WIZ: variants seen among roughly 807,000 people sequenced by gnomAD.
The protein encoded by WIZ is WIZ zinc finger, also known as protein Wiz.
In WIZ, 25 loss-of-function variants were observed where a neutral mutation model predicts 140.2. The ratio of observed to expected loss-of-function variants is 0.18; its 90% CI spans 0.13 to 0.25. WIZ has a LOEUF of 0.25. Ranked by LOEUF, WIZ falls within the 10% of genes least tolerant of loss-of-function variation. The pLI, the probability that WIZ is intolerant of heterozygous loss-of-function variation, is 1.00. For synonymous variants in WIZ, 1,125 were observed against 1,154.3 expected (o/e 0.97, Z 0.51); for missense variants, 2,231 against 2,632.6 (o/e 0.85, Z 3.34).
chr19:15,441,344 A>C (rs1969738505), intron 3 of WIZ, among the ~76,000 whole-genome samples: 1 of 152,172 alleles, frequency 6.6e-6, no homozygotes, highest in Admixed American at 6.5e-5. Flanking sequence ...TCTGGGCCTC[A>C]GTTTTCCAAT....
rs1969825737 is a variant in WIZ at position 15,443,848 on chromosome 19, C to T, written c.206-1100G>A. Among the ~76,000 whole-genome samples, 3 of 152,172 alleles carry T rather than the reference C, an allele frequency of 2.0e-5. No individual in the cohort carries two copies. The South Asian group carries it at 6.2e-4, about 31-fold the overall frequency. ...CTGAGCTGCAGAGAGCCCATCCCTGCCTTCTGCACCCTCTCCCAGGCCTAT... is the reference window on the plus strand; with the variant it reads ...CTGAGCTGCAGAGAGCCCATCCCTGTCTTCTGCACCCTCTCCCAGGCCTAT... On this transcript the variant is annotated intron_variant, in intron 2 of 12. Transcript: ENST00000673675.
Position 15,442,693 on chromosome 19 carries a change from G to A in WIZ, c.261C>T (p.Thr87=), listed in dbSNP as rs1326206988. Residue 87 remains threonine, a synonymous_variant, in exon 3 of 13, where the codon ACC becomes ACT. Transcript: ENST00000673675. The surrounding 1 kb of genome is among the most constrained non-coding windows in gnomAD (Gnocchi z 5.5). ...GCACTCACCAGCTGCTGATCCGATG[G>A]GTGGCGGAGGTGACACGGGGGAGGG... ...SEALPRVTSA[T]HRISSCCWDG... is the part of the protein sequence containing the mutation. 2 of 1,232,406 alleles carry A rather than the reference G, an allele frequency of 1.6e-6. No individual in the cohort carries two copies. The highest frequency in any genetic ancestry group is 1.6e-5 in the African/African-American group (1 of 64,424). The allele number at this position is 1,232,406 out of a possible 1,614,324, so 76.3% of individuals were successfully genotyped here.
rs141394733 is a variant in WIZ at position 15,440,387 on chromosome 19, A to G, written c.607T>C (p.Leu203=). 56 of 1,533,032 alleles carry G rather than the reference A, an allele frequency of 3.7e-5. No individual in the cohort carries two copies. In the Admixed American group the frequency reaches 1.1e-3, roughly 30 times the overall value. The allele number at this position is 1,533,032 out of a possible 1,614,324, so 95.0% of individuals were successfully genotyped here. A position where few individuals can be genotyped will look rare whatever the true frequency, so the allele number is the denominator to read the frequency against. ...GGTGGCGGCTGGGCAGGCAGGTCCA[A>G]GTGCAGCCCTGCGTCCTGGGGGGAT... is the stretch of plus-strand genomic sequence containing the variant. The part of the protein sequence containing the change: ...QGSPQDAGLH[L]DLPAQPPPLA... Residue 203 remains leucine, a synonymous_variant, in exon 4 of 13, where the codon TTG becomes CTG. Transcript: ENST00000673675. The surrounding 1 kb of genome is among the most constrained non-coding windows in gnomAD (Gnocchi z 6.2).
intron 2 of WIZ, among the ~76,000 whole-genome samples, chr19:15,444,614 G>A (rs1475207913): frequency 6.6e-6 from 1 of 152,200 alleles, no homozygotes; most frequent in Non-Finnish European, 1.5e-5. Flanking sequence ...ACACTGATGG[G>A]CAGCAGAGCT....
Position 15,429,702 on chromosome 19 carries a change from C to G in WIZ, c.3299G>C (p.Gly1100Ala). Residue 1100 changes from glycine (G) to alanine (A), a missense_variant, in exon 7 of 13, where the codon GGC becomes GCC. Physicochemically the swap from Gly to Ala is moderately conservative, Grantham distance 60. Transcript: ENST00000673675. Reference protein sequence around the residue: ...LLKKTPLALAGSPTPKNPEDK... With the variant: ...LLKKTPLALAASPTPKNPEDK... ...CTCAGGATTCTTAGGGGTAGGGGAG[C>G]CCGCCAGGGCCAGTGGTGTCTTTTT... 2 of 1,442,962 alleles carry G rather than the reference C, an allele frequency of 1.4e-6. No homozygotes were observed. Among genetic ancestry groups the G allele is most frequent in the African/African-American group, 1.4e-5 (1 of 69,916 alleles). 89.4% of individuals were successfully genotyped at this position (1,442,962 alleles called of 1,614,324 possible).
At chr19:15,446,827 G>T (rs1464741303) in intron 2 of WIZ, among the ~76,000 whole-genome samples, 2 of 152,232 alleles carry the variant, frequency 1.3e-5, no homozygotes, top group Admixed American at 1.3e-4. Context: ...ATGAGAGCGA[G>T]GATGGTGTGT....
chr19:15,424,477 G>T lies in WIZ; in HGVS notation c.5315-99C>A. The T allele has an allele frequency of 6.5e-7, 1 of 1,529,568 alleles. No individual in the cohort carries two copies. The highest frequency in any genetic ancestry group is 8.8e-7 in the Non-Finnish European group (1 of 1,132,360). 94.7% of individuals were successfully genotyped at this position (1,529,568 alleles called of 1,614,324 possible). A position where few individuals can be genotyped will look rare whatever the true frequency, so the allele number is the denominator to read the frequency against. On this transcript the variant is annotated intron_variant, in intron 11 of 12. Coordinates refer to ENST00000673675, the MANE Select transcript of WIZ (RefSeq NM_001371589.1). The surrounding 1 kb of genome is among the most constrained non-coding windows in gnomAD (Gnocchi z 9.7). ...AGGACTGATGCTACCTGGATGGGTG[G>T]GATGGGGGATGGATGGGTGAATGGG...
intron 6 of WIZ, among the ~76,000 whole-genome samples, chr19:15,430,529 C>T (rs546263664): frequency 2.5e-4 from 38 of 152,294 alleles, no homozygotes; most frequent in African/African-American, 8.7e-4. Flanking sequence ...TTCCACAGAG[C>T]CTTTATCCTT....
Position 15,442,756 on chromosome 19 carries a change from A to G in WIZ, c.206-8T>C. On this transcript the variant is annotated splice_region_variant and splice_polypyrimidine_tract_variant and intron_variant, in intron 2 of 12. Coordinates refer to ENST00000673675, the MANE Select transcript of WIZ (RefSeq NM_001371589.1). The surrounding 1 kb of genome is among the most constrained non-coding windows in gnomAD (Gnocchi z 5.5). ...CGGGATGGGGCTGCCCGTCTGCAAC[A>G]GAGAGGGGAGACCCTGAGGGGCTGG... The G allele has an allele frequency of 8.1e-7, 1 of 1,231,822 alleles. No individual in the cohort carries two copies. The highest frequency in any genetic ancestry group is 1.0e-6 in the Non-Finnish European group (1 of 987,800). 76.3% of individuals were successfully genotyped at this position (1,231,822 alleles called of 1,614,324 possible). A position where few individuals can be genotyped will look rare whatever the true frequency, so the allele number is the denominator to read the frequency against.
chr19:15,429,507 T>C, intron 7 of WIZ, 79 bp downstream of exon 7: 2 of 791,628 alleles, frequency 2.5e-6, no homozygotes, highest in Non-Finnish European at 1.7e-6. Flanking sequence ...CTGGGCCCTG[T>C]CCCTGGGCTA....
chr19:15,428,243 G>A lies in WIZ; in HGVS notation c.3681C>T (p.Pro1227=), dbSNP rs554897536. The change falls in exon 8 of 13, where the codon CCC becomes CCT. Residue 1227 remains proline, a synonymous_variant. Coordinates refer to ENST00000673675, the MANE Select transcript of WIZ (RefSeq NM_001371589.1). The surrounding 1 kb of genome is among the most constrained non-coding windows in gnomAD (Gnocchi z 6.4). The part of the protein sequence containing the change: ...PTSAALSLLP[P]PPPAKKAKLK... ...GCTTGGCCTTCTTGGCCGGCGGTGG[G>A]GGGGGAAGCAAGGAGAGGGCCGCGG... The A allele has an allele frequency of 1.9e-5, 29 of 1,531,142 alleles. No individual in the cohort carries two copies. The highest frequency in any genetic ancestry group is 2.4e-5 in the Non-Finnish European group (28 of 1,145,238). 94.8% of individuals were successfully genotyped at this position (1,531,142 alleles called of 1,614,324 possible). A position where few individuals can be genotyped will look rare whatever the true frequency, so the allele number is the denominator to read the frequency against.
chr19:15,442,836 C>G lies in WIZ; in HGVS notation c.206-88G>C. On this transcript the variant is annotated intron_variant, in intron 2 of 12. Transcript: ENST00000673675. The surrounding 1 kb of genome is among the most constrained non-coding windows in gnomAD (Gnocchi z 5.5). ...CAGCTCCAGGAGCCCTGCCAGGTGC[C>G]TCAGAAAGGCCCTGCTGGCTCCCAG... is the stretch of plus-strand genomic sequence containing the variant. 2.6e-6 allele frequency: 2 copies of G among 781,786 alleles called. No individual in the cohort carries two copies. Among genetic ancestry groups the G allele is most frequent in the South Asian group, 1.3e-4 (2 of 15,514 alleles). The allele number at this position is 781,786 out of a possible 1,614,324, so 48.4% of individuals were successfully genotyped here. A position where few individuals can be genotyped will look rare whatever the true frequency, so the allele number is the denominator to read the frequency against.
Position 15,425,676 on chromosome 19 carries a change from G to A in WIZ, c.4459C>T (p.His1487Tyr). ...TCGGTCACACCCATCTGCCGCAGGT[G>A]TGAGCGCGCGTGACTCGACAGGCCC... ...RKGLSSHARS[H>Y]LRQMGVTEWS... is the part of the protein sequence containing the mutation. The change falls in exon 10 of 13, where the codon CAC becomes TAC. Residue 1487 changes from histidine (H) to tyrosine (Y), a missense_variant. This residue lies in a region of WIZ where 393 missense variants were observed against 451.7 expected (regional missense o/e 0.87). Transcript: ENST00000673675. The A allele has an allele frequency of 6.2e-7, 1 of 1,613,428 alleles. No individual in the cohort carries two copies. The highest frequency in any genetic ancestry group is 8.5e-7 in the Non-Finnish European group (1 of 1,179,942).
intron 2 of WIZ, 120 bp downstream of exon 2, chr19:15,447,983 T>C (rs954251178): frequency 9.3e-6 from 11 of 1,184,410 alleles, no homozygotes; most frequent in Non-Finnish European, 1.3e-5. Context: ...GAAAAGGCTC[T>C]GGACCCAAGC....
rs916831068 is a variant in WIZ, at chr19:15,439,077, C to G, written c.1917G>C (p.Gly639=). ...TGGGGGTGGCTAGGGGTGAAAAGAC[C>G]CCATTTTCAGGGGAAAAATCCATCT... ...TSEMDFSPEN[G]VFSPLATPSL... Residue 639 remains glycine, a synonymous_variant, in exon 4 of 13, where the codon GGG becomes GGC. Coordinates refer to ENST00000673675, the MANE Select transcript of WIZ (RefSeq NM_001371589.1). This position sits in a 1 kb window ranked among gnomAD's most constrained non-coding sequence, Gnocchi z 7.0. 1 of 1,487,302 alleles carries G rather than the reference C, an allele frequency of 6.7e-7. No individual in the cohort carries two copies. The highest frequency in any genetic ancestry group is 1.3e-5 in the South Asian group (1 of 77,728). 92.1% of individuals were successfully genotyped at this position (1,487,302 alleles called of 1,614,324 possible).
intron 2 of WIZ, among the ~76,000 whole-genome samples, chr19:15,443,541 G>A (rs1969816202): frequency 6.6e-6 from 1 of 152,164 alleles, no homozygotes; most frequent in Non-Finnish European, 1.5e-5. Flanking sequence ...CAGGGCCTTT[G>A]CACCTGCTAT....
chr19:15,427,274 G>A lies in WIZ; in HGVS notation c.4074C>T (p.Gly1358=). The change falls in exon 9 of 13, where the codon GGC becomes GGT. Residue 1358 remains glycine, a synonymous_variant. Transcript: ENST00000673675. The surrounding 1 kb of genome is among the most constrained non-coding windows in gnomAD (Gnocchi z 6.4). ...LAKMMGGAGP[G]SSLEARSPSD... ...AGGGGCTGCGGGCTTCCAGTGAGCT[G>A]CCAGGACCTGCGCCGCCCATCATCT... The A allele has an allele frequency of 1.9e-6, 3 of 1,613,750 alleles. No individual in the cohort carries two copies. The highest frequency in any genetic ancestry group is 2.5e-6 in the Non-Finnish European group (3 of 1,180,014).
Position 15,424,262 on chromosome 19 carries a change from G to A in WIZ, c.5431C>T (p.Pro1811Ser). 3.1e-6 allele frequency: 5 copies of A among 1,589,528 alleles called. No homozygotes were observed. The highest frequency in any genetic ancestry group is 4.3e-6 in the Non-Finnish European group (5 of 1,171,244). Residue 1811 changes from proline (P) to serine (S), a missense_variant, in exon 12 of 13, where the codon CCA becomes TCA. Pro to Ser is a moderately conservative substitution (Grantham distance 74, BLOSUM62 -1). This residue lies in a region of WIZ where 299 missense variants were observed against 309.6 expected (regional missense o/e 0.97). Coordinates refer to ENST00000673675, the MANE Select transcript of WIZ (RefSeq NM_001371589.1). The surrounding 1 kb of genome is among the most constrained non-coding windows in gnomAD (Gnocchi z 9.7). ...GGCCGGGGCACCAGGGAGGGGACTGGCCGGACTCGGGGTGGGGGTTGCCGC... is the reference window on the plus strand; with the variant it reads ...GGCCGGGGCACCAGGGAGGGGACTGACCGGACTCGGGGTGGGGGTTGCCGC... ...EVRQPPPRVRPVPSLVPRPPQ... is the reference protein window; with the variant it reads ...EVRQPPPRVRSVPSLVPRPPQ...
chr19:15,447,461 C>T (rs1969958143), intron 2 of WIZ, among the ~76,000 whole-genome samples: 3 of 152,242 alleles, frequency 2.0e-5, no homozygotes, highest in Admixed American at 2.0e-4. Context: ...GTCCATTTCC[C>T]CTACTAGAGT....
Sources: allele counts gnomAD v4.1 joint callset (sites outside exome capture counted in the v4.1 genomes callset), GRCh38; gene constraint gnomAD v4.1.1; regional missense constraint gnomAD v4.1.1; non-coding constraint Gnocchi (gnomAD v3.1); transcripts MANE v1.5; gene names NCBI Gene and HGNC (gene_info 2026-07-23, HGNC 2026-07-21).